The following FLNA variants were observed in gnomAD, a reference collection of about 807,000 sequenced individuals.
FLNA encodes the protein filamin-A.
Under a neutral mutation model 157.6 loss-of-function variants are expected in FLNA, and 7 were observed. The observed-to-expected ratio is 0.04, with a 90% CI of 0.03 to 0.08. FLNA has a LOEUF of 0.08. FLNA is among the 10% of genes least tolerant of loss of function. The pLI is 1.00. For missense variants in FLNA, 1,750 were observed against 2,398.4 expected (o/e 0.73, Z 5.65); for synonymous variants, 1,103 against 1,060.8 (o/e 1.04, Z -0.77).
chrX:154,363,382 C>T (rs1386460109), intron 15 of FLNA, among the ~76,000 whole-genome samples: 1 of 107,215 alleles, frequency 9.3e-6, no homozygotes, highest in Admixed American at 1.0e-4. Flanking sequence ...CACGTCATTG[C>T]ACTCCAGCCT....
At chrX:154,357,927 C>A (rs1466115770) in intron 28 of FLNA, among the ~76,000 whole-genome samples, 1 of 112,616 alleles carries the variant, frequency 8.9e-6, no homozygotes, top group African/African-American at 3.2e-5. Context: ...TATCCTATAC[C>A]TGCCCCATGA....
chrX:154,367,590 C>A lies in FLNA; in HGVS notation c.721-46G>T, dbSNP rs201857857. The A allele has an allele frequency of 1.8e-3, 2,172 of 1,209,658 alleles. 1 individual carries two copies. Among genetic ancestry groups the A allele is most frequent in the Non-Finnish European group, 2.1e-3 (1,886 of 894,791 alleles). ...GAGCCATCGGGCCTCCGAGTCTCTC[C>A]CAACTGCCGATCCGGTCCCCTACAG... On this transcript the variant is annotated intron_variant, in intron 4 of 47. Coordinates refer to ENST00000369850, the MANE Select transcript of FLNA (RefSeq NM_001110556.2).
At position 154,359,048 on chromosome X, in the gene FLNA, G is replaced by A; in HGVS notation, c.4410C>T (p.Ser1470=). The change falls in exon 26 of 48, where the codon TCC becomes TCT. Residue 1470 remains serine (S), a synonymous_variant. Coordinates refer to ENST00000369850, the MANE Select transcript of FLNA (RefSeq NM_001110556.2). Reference sequence around the variant, plus strand: ...CAGCCTTGCTTGTGTCCACCTGGAAGGACTGAGGGAGGTTGGCACGAACCA... The same window carrying A: ...CAGCCTTGCTTGTGTCCACCTGGAAAGACTGAGGGAGGTTGGCACGAACCA... ...PGMVRANLPQ[S]FQVDTSKAGV... 8.3e-7 allele frequency: 1 copy of A among 1,211,455 alleles called. No individual in the cohort carries two copies. The highest frequency in any genetic ancestry group is 1.8e-5 in the South Asian group (1 of 57,049).
Position 154,370,857 on chromosome X carries a change from T to G in FLNA, c.373+16A>C. On this transcript the variant is annotated intron_variant, in intron 2 of 47. Coordinates refer to ENST00000369850, the MANE Select transcript of FLNA (RefSeq NM_001110556.2). ...TCCCCGCCCCCGCCCGCCCGGCGCT[T>G]CGGGGCGTCCCTCACCGATGGACAC... 8.3e-7 allele frequency: 1 copy of G among 1,206,027 alleles called. No homozygotes were observed. The highest frequency in any genetic ancestry group is 1.1e-6 in the Non-Finnish European group (1 of 892,395).
intron 32 of FLNA, 50 bp from the exon 33 acceptor site, chrX:154,354,533 G>C: frequency 5.9e-6 from 7 of 1,177,675 alleles, no homozygotes; most frequent in Non-Finnish European, 8.1e-6. Context: ...AGGATCTGGG[G>C]TCCCTCCTCA....
intron 45 of FLNA, 64 bp from the exon 46 acceptor site, chrX:154,349,931 A>T (rs2070819): frequency 8.4e-7 from 1 of 1,187,692 alleles, no homozygotes; most frequent in Non-Finnish European, 1.1e-6. Context: ...GCCACCCAGC[A>T]CAGGCTTGTC....
rs782740311 is a variant in FLNA, at chrX:154,352,800, G to A, written c.6351C>T (p.Asn2117=). 1 of 1,211,990 alleles carries A rather than the reference G, an allele frequency of 8.3e-7. No homozygotes were observed. The highest frequency in any genetic ancestry group is 1.8e-5 in the South Asian group (1 of 57,044). ...CPTEPGNYII[N]IKFADQHVPG... ...GCACGTGCTGGTCGGCAAACTTGATGTTGATGATGTAGTTGCCTGGCTCTG... is the reference window on the plus strand; with the variant it reads ...GCACGTGCTGGTCGGCAAACTTGATATTGATGATGTAGTTGCCTGGCTCTG... Residue 2117 remains asparagine, a synonymous_variant, in exon 39 of 48, where the codon AAC becomes AAT. Coordinates refer to ENST00000369850, the MANE Select transcript of FLNA (RefSeq NM_001110556.2).
At chrX:154,355,518 T>G (rs2067656080) in intron 30 of FLNA, among the ~76,000 whole-genome samples, 1 of 112,865 alleles carries the variant, frequency 8.9e-6, no homozygotes, top group African/African-American at 3.2e-5. Flanking sequence ...TGCTGCAGCG[T>G]GGGGGGATGT....
intron 17 of FLNA, 41 bp from the exon 18 acceptor site, chrX:154,362,373 C>T (rs1324952586): frequency 1.0e-5 from 12 of 1,205,054 alleles, no homozygotes; most frequent in Admixed American, 6.5e-5. Context: ...GGAGGGCAGA[C>T]GTCATCCGCA....
Position 154,349,343 on chromosome X carries a change from G to A in FLNA, c.7756+19C>T, listed in dbSNP as rs781867343. 1.3e-4 allele frequency: 153 copies of A among 1,192,163 alleles called. No homozygotes were observed. Among genetic ancestry groups the A allele is most frequent in the South Asian group, 2.1e-4 (12 of 56,645 alleles). On this transcript the variant is annotated intron_variant, in intron 47 of 47. Coordinates refer to ENST00000369850, the MANE Select transcript of FLNA (RefSeq NM_001110556.2). Reference sequence around the variant, plus strand: ...CCTCATTTTGGTGGGAAGGTGGGCCGGGGGCCCAGGTTGCCCACCTGCTTT... The same window carrying A: ...CCTCATTTTGGTGGGAAGGTGGGCCAGGGGCCCAGGTTGCCCACCTGCTTT...
chrX:154,368,194 G>A, intron 2 of FLNA, 104 bp from the exon 3 acceptor site: 10 of 1,095,928 alleles, frequency 9.1e-6, no homozygotes, highest in Non-Finnish European at 1.3e-5. Context: ...AGGGGCCAAG[G>A]AGGAGGTAGA....
rs1057522253 is a variant in FLNA at position 154,362,063 on chromosome X, G to A, written c.2742C>T (p.Leu914=). The change falls in exon 19 of 48, where the codon CTC becomes CTT. Residue 914 remains leucine, a synonymous_variant. Transcript: ENST00000369850. ...KGKLDVQFSG[L]TKGDAVRDVD... is the part of the protein sequence containing the mutation. ...CATCTCGCACTGCATCCCCCTTGGTGAGTCCTGAGAACTGGACGTCCAGCT... is the reference window on the plus strand; with the variant it reads ...CATCTCGCACTGCATCCCCCTTGGTAAGTCCTGAGAACTGGACGTCCAGCT... 2 of 1,210,841 alleles carry A rather than the reference G, an allele frequency of 1.7e-6. No individual in the cohort carries two copies. The highest frequency in any genetic ancestry group is 2.2e-6 in the Non-Finnish European group (2 of 894,694).
At chrX:154,371,859 C>A (rs2067811083) in intron 1 of FLNA, among the ~76,000 whole-genome samples, 1 of 113,484 alleles carries the variant, frequency 8.8e-6, no homozygotes, top group Non-Finnish European at 1.9e-5. Context: ...GGCCCGGCAG[C>A]GGCGGGAAGG....
rs1557176018 is a variant in FLNA, at chrX:154,352,648, C to T, written c.6407G>A (p.Gly2136Asp). 8.3e-7 allele frequency: 1 copy of T among 1,211,957 alleles called. No homozygotes were observed. The highest frequency in any genetic ancestry group is 2.2e-5 in the Admixed American group (1 of 46,171). ...GATGCTCTCTTTCACCCGGCCCTCG[C>T]CTGTCACCTTCACAGAGAAGGGGCT... ...PGSPFSVKVTGEGRVKESITR... is the reference protein window; with the variant it reads ...PGSPFSVKVTDEGRVKESITR... Residue 2136 changes from glycine (G) to aspartate (D), a missense_variant, in exon 40 of 48, where the codon GGC becomes GAC. Around this residue, in one of 5 missense-constraint regions of FLNA, gnomAD observed 970 missense variants for 1,302.6 expected, o/e 0.74. Coordinates refer to ENST00000369850, the MANE Select transcript of FLNA (RefSeq NM_001110556.2).
rs782337986 is a variant in FLNA at position 154,353,104 on chromosome X, C to A, written c.6123G>T (p.Gln2041His). ...CACGACTGGCATCCCCAATTTCCGA[C>A]TGGCTGATCACCACCGGGATGGGGC... is the stretch of plus-strand genomic sequence containing the variant. ...ASSPIPVVIS[Q>H]SEIGDASRVR... The change falls in exon 38 of 48, where the codon CAG becomes CAT. Residue 2041 changes from glutamine (Q) to histidine (H), a missense_variant. By Grantham distance (24) the Gln-to-His change is conservative. Around this residue, in one of 5 missense-constraint regions of FLNA, gnomAD observed 970 missense variants for 1,302.6 expected, o/e 0.74. Transcript: ENST00000369850. 8.3e-7 allele frequency: 1 copy of A among 1,211,635 alleles called. No homozygotes were observed. The highest frequency in any genetic ancestry group is 1.1e-6 in the Non-Finnish European group (1 of 895,429).
At position 154,351,126 on chromosome X, in the gene FLNA, C is replaced by T. The variant is rs782246715; in HGVS notation, c.7024-85G>A. 676 of 1,068,261 alleles carry T rather than the reference C, an allele frequency of 6.3e-4. No homozygotes were observed. Among genetic ancestry groups the T allele is most frequent in the Non-Finnish European group, 1.7e-4 (132 of 771,468 alleles). 88.0% of individuals were successfully genotyped at this position (1,068,261 alleles called of 1,213,427 possible). On this transcript the variant is annotated intron_variant, in intron 43 of 47. Coordinates refer to ENST00000369850, the MANE Select transcript of FLNA (RefSeq NM_001110556.2). ...AAAGGCCCCAGGAGCAAGAGGCCCG[C>T]GGGTCGCACTTACCCATCTGGCGTC...
chrX:154,351,129 G>A, intron 43 of FLNA, 88 bp from the exon 44 acceptor site: 1 of 1,057,394 alleles, frequency 9.5e-7, no homozygotes, highest in African/African-American at 1.9e-5. Flanking sequence ...AGGCCCGCGG[G>A]TCGCACTTAC....
chrX:154,361,857 C>T, intron 19 of FLNA, 70 bp from the exon 20 acceptor site: 1 of 1,096,598 alleles, frequency 9.1e-7, no homozygotes, highest in Non-Finnish European at 1.3e-6. Context: ...CCTCCTGGAC[C>T]TCCATGCCTG....
rs199917719 is a variant in FLNA, at chrX:154,359,835, G to A, written c.3876C>T (p.His1292=). 1,508 of 1,209,120 alleles carry A rather than the reference G, an allele frequency of 1.2e-3. 1 individual carries two copies. Among genetic ancestry groups the A allele is most frequent in the Non-Finnish European group, 1.6e-3 (1,430 of 894,740 alleles). Residue 1292 remains histidine (H), a synonymous_variant, in exon 23 of 48, where the codon CAC becomes CAT. Transcript: ENST00000369850. ...AGGGGTTGGCCACACGGGCCTTGAC[G>A]TGCGGCCCTCCGGTCTGTGTCAGAG... is the stretch of plus-strand genomic sequence containing the variant. ...ARALTQTGGP[H]VKARVANPSG... is the part of the protein sequence containing the mutation.
Sources: allele counts gnomAD v4.1 joint callset (sites outside exome capture counted in the v4.1 genomes callset), GRCh38; gene constraint gnomAD v4.1.1; regional missense constraint gnomAD v4.1.1; transcripts MANE v1.5; gene names NCBI Gene and HGNC (gene_info 2026-07-23, HGNC 2026-07-21).